The following DYNC2I2 variants were observed in gnomAD, a reference collection of about 807,000 sequenced individuals.
DYNC2I2 encodes the protein dynein 2 intermediate chain 2.
Under a neutral mutation model 52.0 loss-of-function variants are expected in DYNC2I2, and 39 were observed. That is an observed-to-expected ratio of 0.75 (90% CI 0.58 to 0.98). The LOEUF is 0.98. Among genes scored for constraint, DYNC2I2 ranks in the 50% least tolerant of loss-of-function variants. The pLI, the probability that DYNC2I2 is intolerant of heterozygous loss-of-function variation, is 0.00. For synonymous variants in DYNC2I2, 359 were observed against 321.1 expected, an observed-to-expected ratio of 1.12 and a Z score of -1.26; for missense variants, 743 against 728.4, an observed-to-expected ratio of 1.02 and a Z score of -0.23.
chr9:128,674,323 A>G, the DYNC2I2 span, among the ~76,000 whole-genome samples: 1 of 151,486 alleles, frequency 6.6e-6, no homozygotes, highest in Non-Finnish European at 1.5e-5. Flanking sequence ...TTTGGTAGAG[A>G]TGGGGTTTCA....
At chr9:128,676,856 G>GT in the DYNC2I2 span, among the ~76,000 whole-genome samples, 123 of 113,038 alleles carry the variant, frequency 1.1e-3, 1 homozygote, top group Admixed American at 1.5e-3. Flanking sequence ...TTTTTGTTTT[G>GT]TTTTGTTTTT....
chr9:128,636,776 C>T, intron 3 of DYNC2I2, 142 bp downstream of exon 3: 1 of 689,388 alleles, frequency 1.5e-6, no homozygotes, highest in South Asian at 1.8e-5. Flanking sequence ...TTGTTGTCAA[C>T]CCTGCCCAGG....
rs1564337725 is a variant in DYNC2I2 at position 128,634,279 on chromosome 9, G to A, written c.1319C>T (p.Ala440Val). The change falls in exon 8 of 9, where the codon GCT becomes GTT. Residue 440 changes from alanine (A) to valine (V), a missense_variant. Transcript: ENST00000372715. ...SLQLSLKYLF[A>V]VRWSPVRPLV... ...GGGCCGCACTGGGGACCAGCGCACAGCAAACAGATACTTGAGGGAGAGCTG... is the reference window on the plus strand; with the variant it reads ...GGGCCGCACTGGGGACCAGCGCACAACAAACAGATACTTGAGGGAGAGCTG... The A allele has an allele frequency of 5.0e-6, 8 of 1,613,796 alleles. No homozygotes were observed. Among genetic ancestry groups the A allele is most frequent in the Non-Finnish European group, 6.8e-6 (8 of 1,180,032 alleles).
upstream of DYNC2I2, among the ~76,000 whole-genome samples, chr9:128,661,322 A>G (rs866025235): frequency 6.8e-6 from 1 of 146,710 alleles, no homozygotes; most frequent in Admixed American, 6.8e-5. Context: ...AAAAAAAAAA[A>G]ACAAAAAGAA....
At chr9:128,637,818 G>T (rs1401029676) in intron 2 of DYNC2I2, among the ~76,000 whole-genome samples, 1 of 152,170 alleles carries the variant, frequency 6.6e-6, no homozygotes, top group Non-Finnish European at 1.5e-5. Flanking sequence ...TGAGGAGGCT[G>T]ACGACCAGCC....
chr9:128,659,108 C>G (rs1030947921), upstream of DYNC2I2, among the ~76,000 whole-genome samples: 22 of 151,950 alleles, frequency 1.4e-4, no homozygotes, highest in African/African-American at 5.3e-4. Context: ...TCTCTCCACC[C>G]CATGGCCTCT....
chr9:128,668,822 A>C, the DYNC2I2 span, among the ~76,000 whole-genome samples: 1 of 151,376 alleles, frequency 6.6e-6, no homozygotes, highest in Non-Finnish European at 1.5e-5. Context: ...TCTAAAAAAA[A>C]GGAAAAAAAA....
the DYNC2I2 span, among the ~76,000 whole-genome samples, chr9:128,680,420 C>A: frequency 3.7e-4 from 56 of 151,784 alleles, no homozygotes; most frequent in East Asian, 0.011. Flanking sequence ...CTCTGTCGCC[C>A]AGGCTGGAGT....
intron 2 of DYNC2I2, among the ~76,000 whole-genome samples, chr9:128,638,960 C>T (rs1360598917): frequency 6.6e-6 from 1 of 152,060 alleles, no homozygotes; most frequent in Non-Finnish European, 1.5e-5. Context: ...TTTTACAGGC[C>T]TTGTAATGTT....
the DYNC2I2 span, among the ~76,000 whole-genome samples, chr9:128,669,337 C>T: frequency 6.6e-6 from 1 of 151,880 alleles, no homozygotes; most frequent in South Asian, 2.1e-4. Context: ...TGCACTCCAG[C>T]CTGGGCGACA....
upstream of DYNC2I2, among the ~76,000 whole-genome samples, chr9:128,660,264 A>C (rs1860902500): frequency 6.7e-6 from 1 of 149,162 alleles, no homozygotes; most frequent in Non-Finnish European, 1.5e-5. Context: ...GCCCGCCACC[A>C]CCCCCAGCTA....
chr9:128,669,068 T>C, the DYNC2I2 span, among the ~76,000 whole-genome samples: 1 of 151,560 alleles, frequency 6.6e-6, no homozygotes, highest in East Asian at 2.0e-4. Flanking sequence ...CCGTCTCTAC[T>C]AAAAATATAT....
chr9:128,642,376 A>C (rs1291642685), intron 1 of DYNC2I2, among the ~76,000 whole-genome samples: 1 of 148,412 alleles, frequency 6.7e-6, no homozygotes, highest in Non-Finnish European at 1.5e-5. Context: ...GAACTGCTTG[A>C]ACCCGGGAGG....
chr9:128,658,735 T>A, upstream of DYNC2I2, among the ~76,000 whole-genome samples: 1 of 146,924 alleles, frequency 6.8e-6, no homozygotes, highest in East Asian at 2.0e-4. Flanking sequence ...TTTTTTTTTT[T>A]TTTTTTTTTG....
In DYNC2I2 at chr9:128,634,258, C is replaced by G. The variant is rs587777094; in HGVS notation, c.1340G>C (p.Arg447Pro). Reference sequence around the variant, plus strand: ...AGAGGCAGCTGCAAAAACCAAGGGCCGCACTGGGGACCAGCGCACAGCAAA... The same window carrying G: ...AGAGGCAGCTGCAAAAACCAAGGGCGGCACTGGGGACCAGCGCACAGCAAA... ...YLFAVRWSPV[R>P]PLVFAAASGK... is the part of the protein sequence containing the mutation. Residue 447 changes from arginine (R) to proline (P), a missense_variant, in exon 8 of 9, where the codon CGG becomes CCG. Transcript: ENST00000372715. The G allele has an allele frequency of 6.2e-7, 1 of 1,613,866 alleles. No homozygotes were observed. The highest frequency in any genetic ancestry group is 1.1e-5 in the South Asian group (1 of 91,086).
At chr9:128,642,663 C>G (rs1202168449) in intron 1 of DYNC2I2, among the ~76,000 whole-genome samples, 7 of 149,698 alleles carry the variant, frequency 4.7e-5, no homozygotes, top group African/African-American at 1.7e-4. Context: ...CCCAGCTACT[C>G]GGGAAGGCGT....
chr9:128,654,321 C>G (rs12378231), intron 1 of DYNC2I2, among the ~76,000 whole-genome samples: 1 of 152,150 alleles, frequency 6.6e-6, no homozygotes, highest in Non-Finnish European at 1.5e-5. Flanking sequence ...TCTGCAGGTT[C>G]ATGCAGCAAG....
intron 1 of DYNC2I2, among the ~76,000 whole-genome samples, chr9:128,652,555 G>A (rs1330361178): frequency 2.7e-5 from 4 of 149,828 alleles, no homozygotes; most frequent in Non-Finnish European, 4.4e-5. Context: ...CCCGGGAGGT[G>A]TAGGTTGCAG....
Position 128,656,789 on chromosome 9 carries a change from T to G in DYNC2I2, c.-63A>C. ...CGCGACCTCCGCCCCTACGCCGCCATGAGCGGAAAACGGGGAATGTGAGGC... is the reference window on the plus strand; with the variant it reads ...CGCGACCTCCGCCCCTACGCCGCCAGGAGCGGAAAACGGGGAATGTGAGGC... On this transcript the variant is annotated 5_prime_UTR_variant, in exon 1 of 9. An upstream start codon of the reference 5' UTR is lost. Coordinates refer to ENST00000372715, the MANE Select transcript of DYNC2I2 (RefSeq NM_052844.4). 1 of 1,308,048 alleles carries G rather than the reference T, an allele frequency of 7.6e-7. No individual in the cohort carries two copies. The highest frequency in any genetic ancestry group is 9.7e-7 in the Non-Finnish European group (1 of 1,026,004). The allele number at this position is 1,308,048 out of a possible 1,614,324, so 81.0% of individuals were successfully genotyped here. A position where few individuals can be genotyped will look rare whatever the true frequency, so the allele number is the denominator to read the frequency against.
Sources: allele counts gnomAD v4.1 joint callset (sites outside exome capture counted in the v4.1 genomes callset), GRCh38; gene constraint gnomAD v4.1.1; transcripts MANE v1.5; gene names NCBI Gene and HGNC (gene_info 2026-07-23, HGNC 2026-07-21).